The following TNKS variants were observed in gnomAD, a reference collection of about 807,000 sequenced individuals.
The protein encoded by TNKS is tankyrase.
A neutral mutation model predicts 135.8 loss-of-function variants in TNKS; 72 were observed. The ratio of observed to expected loss-of-function variants is 0.53; its 90% CI spans 0.44 to 0.64. The LOEUF (loss-of-function observed/expected upper bound fraction) is 0.64, where lower values mean the gene tolerates loss of function less well. TNKS is among the 30% of genes least tolerant of loss of function. The pLI is 0.00. For synonymous variants in TNKS, 849 were observed against 649.3 expected, an observed-to-expected ratio of 1.31 and a Z score of -4.68; for missense variants, 1,769 against 1,674.0, an observed-to-expected ratio of 1.06 and a Z score of -0.99.
Position 9,779,544 on chromosome 8 carries a change from A to T in TNKS, c.*2808A>T, listed in dbSNP as rs1808376998. The T allele has an allele frequency of 6.6e-6, 1 of 152,190 alleles. No homozygotes were observed. Among genetic ancestry groups the T allele is most frequent in the Non-Finnish European group, 1.5e-5 (1 of 68,038 alleles). The allele number at this position is 152,190 out of a possible 1,614,324, so 9.4% of individuals were successfully genotyped here. The stretch of plus-strand genomic sequence containing the variant: ...CCTGCTGGATACTTGACTCAGGCAT[A>T]AATTAAGTGCCCTGGTCCCGAACTT... On this transcript the variant is annotated 3_prime_UTR_variant, in exon 27 of 27. Coordinates refer to ENST00000310430, the MANE Select transcript of TNKS (RefSeq NM_003747.3).
chr8:9,695,138 T>C (rs1358983337), intron 5 of TNKS, among the ~76,000 whole-genome samples: 2 of 152,218 alleles, frequency 1.3e-5, no homozygotes, highest in East Asian at 3.8e-4. Flanking sequence ...CATGATTTTA[T>C]TGCTCAGTGG....
At chr8:9,704,398 A>G (rs978208209) in intron 5 of TNKS, among the ~76,000 whole-genome samples, 45 of 152,158 alleles carry the variant, frequency 3.0e-4, no homozygotes, top group Non-Finnish European at 3.8e-4. Flanking sequence ...AAGAAATAGG[A>G]AATCATGTAG....
At chr8:9,756,597 A>G (rs1435826979) in intron 20 of TNKS, among the ~76,000 whole-genome samples, 1 of 152,172 alleles carries the variant, frequency 6.6e-6, no homozygotes, top group African/African-American at 2.4e-5. Flanking sequence ...ATAGGGGTAT[A>G]TATAAAATTC....
chr8:9,776,603 T>C (rs367604136), intron 26 of TNKS, 47 bp from the exon 27 acceptor site: 62 of 1,562,910 alleles, frequency 4.0e-5, no homozygotes, highest in Non-Finnish European at 5.3e-5. Flanking sequence ...GGCTTTAATA[T>C]TGTGCCTACT....
intron 1 of TNKS, among the ~76,000 whole-genome samples, chr8:9,562,160 G>A (rs1488650198): frequency 6.6e-6 from 1 of 151,586 alleles, no homozygotes; most frequent in Non-Finnish European, 1.5e-5. Context: ...TTTCTACTGG[G>A]CACACTTCAG....
chr8:9,755,429 C>G (rs1462847601), intron 20 of TNKS, among the ~76,000 whole-genome samples: 2 of 152,306 alleles, frequency 1.3e-5, no homozygotes, highest in African/African-American at 4.8e-5. Context: ...TTACCAAGCA[C>G]AGTTCTTTCC....
intron 3 of TNKS, among the ~76,000 whole-genome samples, chr8:9,643,293 G>A (rs868342062): frequency 1.1e-4 from 16 of 145,854 alleles, no homozygotes; most frequent in African/African-American, 3.3e-4. Context: ...TAGAAGCTGA[G>A]AAGTCCAAGG....
chr8:9,586,070 A>C (rs1356585544), intron 2 of TNKS, among the ~76,000 whole-genome samples: 1 of 152,166 alleles, frequency 6.6e-6, no homozygotes, highest in East Asian at 1.9e-4. Context: ...TTTTATATAT[A>C]ATAATTAGAA....
In TNKS at chr8:9,764,714, A is replaced by T; in HGVS notation, c.3373-2A>T. ...TATAAAATTAGTTATTTTGTTCTGT[A>T]GATGCAAAGTACTATTCGAGAACAC... On this transcript the variant is annotated splice_acceptor_variant, in intron 22 of 26. Coordinates refer to ENST00000310430, the MANE Select transcript of TNKS (RefSeq NM_003747.3). LOFTEE classifies it high-confidence loss of function. 6.3e-7 allele frequency: 1 copy of T among 1,591,954 alleles called. No individual in the cohort carries two copies. Among genetic ancestry groups the T allele is most frequent in the Non-Finnish European group, 8.5e-7 (1 of 1,172,796 alleles).
rs188588225 is a variant in TNKS at position 9,726,506 on chromosome 8, T to G, written c.1922-135T>G. On this transcript the variant is annotated intron_variant, in intron 12 of 26. Transcript: ENST00000310430. ...GGCAAAGTTTTGCTACAACATTTAG[T>G]AAAACCAAACTAAATAATTTTTCCT... The G allele has an allele frequency of 3.9e-3, 2,345 of 608,368 alleles. 9 individuals carry two copies. The highest frequency in any genetic ancestry group is 4.9e-3 in the Non-Finnish European group (1,770 of 360,732). The allele number at this position is 608,368 out of a possible 1,614,324, so 37.7% of individuals were successfully genotyped here. A position where few individuals can be genotyped will look rare whatever the true frequency, so the allele number is the denominator to read the frequency against.
At chr8:9,593,376 A>G (rs10090277) in intron 2 of TNKS, among the ~76,000 whole-genome samples, 18,175 of 152,218 alleles carry the variant, frequency 0.12, 1,425 homozygotes, top group African/African-American at 0.23. Flanking sequence ...ATGTTTTCTT[A>G]ATTGAGAAAT....
At position 9,615,618 on chromosome 8, in the gene TNKS, A is replaced by G. The variant is rs1167920589; in HGVS notation, c.935A>G (p.Asn312Ser). The G allele has an allele frequency of 6.2e-7, 1 of 1,613,804 alleles. No homozygotes were observed. The highest frequency in any genetic ancestry group is 8.5e-7 in the Non-Finnish European group (1 of 1,179,880). ...CACGGAGCTGACCCAAACATTCGGA[A>G]CACTGATGGGAAATCAGCCCTGGAC... is the stretch of plus-strand genomic sequence containing the variant. ...LQHGADPNIRNTDGKSALDLA... is the reference protein window; with the variant it reads ...LQHGADPNIRSTDGKSALDLA... Residue 312 changes from asparagine to serine, a missense_variant, in exon 3 of 27, where the codon AAC (asparagine) becomes AGC (serine). This residue lies in a region of TNKS where 523 missense variants were observed against 541.0 expected (regional missense o/e 0.97). Transcript: ENST00000310430.
intron 1 of TNKS, 121 bp from the exon 2 acceptor site, chr8:9,580,038 C>G: frequency 1.3e-6 from 1 of 756,870 alleles, no homozygotes; most frequent in Non-Finnish European, 2.2e-6. Flanking sequence ...TTGTTTTACA[C>G]CATTTACTAT....
At chr8:9,565,475 A>C (rs1468137367) in intron 1 of TNKS, among the ~76,000 whole-genome samples, 1 of 152,202 alleles carries the variant, frequency 6.6e-6, no homozygotes, top group Non-Finnish European at 1.5e-5. Flanking sequence ...ATTTCCATGA[A>C]CTACAAGTCC....
At chr8:9,765,464 G>A (rs1043106576) in intron 23 of TNKS, among the ~76,000 whole-genome samples, 4 of 151,784 alleles carry the variant, frequency 2.6e-5, no homozygotes, top group African/African-American at 9.7e-5. Flanking sequence ...AGGTGATTTA[G>A]AGGTAACAGC....
intron 12 of TNKS, among the ~76,000 whole-genome samples, chr8:9,724,595 C>T: frequency 6.6e-6 from 1 of 151,996 alleles, no homozygotes; most frequent in East Asian, 1.9e-4. Context: ...TACAAAGTTC[C>T]TGGGCTGTAT....
intron 18 of TNKS, among the ~76,000 whole-genome samples, chr8:9,750,731 C>T (rs542027334): frequency 1.3e-5 from 2 of 152,338 alleles, no homozygotes; most frequent in African/African-American, 4.8e-5. Flanking sequence ...CCCAAACCCA[C>T]TGAGGGTTTA....
chr8:9,658,478 C>T (rs1801532117), intron 3 of TNKS: 1 of 680,246 alleles, frequency 1.5e-6, no homozygotes, highest in African/African-American at 1.9e-5. Flanking sequence ...CATATCCAGC[C>T]AAACTAAGCT....
At chr8:9,573,370 C>G (rs1797832363) in intron 1 of TNKS, among the ~76,000 whole-genome samples, 1 of 152,124 alleles carries the variant, frequency 6.6e-6, no homozygotes, top group Admixed American at 6.5e-5. Flanking sequence ...ATAGAAAGAG[C>G]TTGGTTGGTT....
Sources: allele counts gnomAD v4.1 joint callset (sites outside exome capture counted in the v4.1 genomes callset), GRCh38; gene constraint gnomAD v4.1.1; regional missense constraint gnomAD v4.1.1; transcripts MANE v1.5; gene names NCBI Gene and HGNC (gene_info 2026-07-23, HGNC 2026-07-21).